CTNND2: variants seen among roughly 807,000 people sequenced by gnomAD.
CTNND2 encodes catenin delta-2.
In CTNND2, 22 loss-of-function variants were observed where a neutral mutation model predicts 144.4. The observed-to-expected ratio is 0.15, with a 90% CI of 0.11 to 0.22. The LOEUF (loss-of-function observed/expected upper bound fraction) is 0.22, where lower values mean the gene tolerates loss of function less well. Among genes scored for constraint, CTNND2 ranks in the 10% least tolerant of loss-of-function variants. The probability of loss-of-function intolerance (pLI) is 1.00; values close to 1 mark genes in which losing one functional copy is unlikely to be tolerated. For synonymous variants in CTNND2, 751 were observed against 695.6 expected (o/e 1.08, Z -1.25); for missense variants, 1,353 against 1,618.8 (o/e 0.84, Z 2.82).
intron 1 of CTNND2, among the ~76,000 whole-genome samples, chr5:11,900,851 A>C (rs1327869887): frequency 6.6e-6 from 1 of 152,206 alleles, no homozygotes; most frequent in East Asian, 1.9e-4. Context: ...TCATTGTCTG[A>C]ATTATGACAT....
chr5:11,699,784 C>G (rs10042962), intron 2 of CTNND2, among the ~76,000 whole-genome samples: 1 of 152,164 alleles, frequency 6.6e-6, no homozygotes, highest in Non-Finnish European at 1.5e-5. Flanking sequence ...AGCTTTCTAA[C>G]TTGTACCTGT....
At chr5:11,035,394 C>T (rs1440145150) in intron 16 of CTNND2, among the ~76,000 whole-genome samples, 1 of 152,202 alleles carries the variant, frequency 6.6e-6, no homozygotes, top group Admixed American at 6.5e-5. Flanking sequence ...CAACAATGGG[C>T]CTTTCTTGTG....
chr5:11,367,835 A>C (rs1282971805), intron 7 of CTNND2, among the ~76,000 whole-genome samples: 1 of 152,226 alleles, frequency 6.6e-6, no homozygotes, highest in African/African-American at 2.4e-5. Flanking sequence ...AGACCAGACC[A>C]ACTTTCCTGA....
At chr5:11,555,609 T>C (rs547120125) in intron 3 of CTNND2, among the ~76,000 whole-genome samples, 4 of 151,966 alleles carry the variant, frequency 2.6e-5, no homozygotes, top group South Asian at 4.2e-4. Context: ...TTTTAGAATA[T>C]CCCTCCTGCT....
intron 5 of CTNND2, among the ~76,000 whole-genome samples, chr5:11,411,161 C>T (rs1190061952): frequency 1.3e-5 from 2 of 151,966 alleles, no homozygotes; most frequent in African/African-American, 2.4e-5. Flanking sequence ...CGTAAACCAC[C>T]GCGCCCGGCC....
intron 1 of CTNND2, among the ~76,000 whole-genome samples, chr5:11,743,775 T>C (rs890356078): frequency 1.3e-5 from 2 of 151,962 alleles, no homozygotes; most frequent in Non-Finnish European, 2.9e-5. Flanking sequence ...GTGGAGCTCA[T>C]GTGTCAAACA....
chr5:11,177,498 T>C (rs1032602801), intron 11 of CTNND2, among the ~76,000 whole-genome samples: 5 of 152,120 alleles, frequency 3.3e-5, no homozygotes, highest in Admixed American at 2.0e-4. Context: ...TTATTTGTGA[T>C]TCCAGAATTT....
chr5:11,716,675 G>GTTTATTTATTTA (rs112407519), intron 2 of CTNND2, among the ~76,000 whole-genome samples: 3 of 151,224 alleles, frequency 2.0e-5, no homozygotes, highest in Non-Finnish European at 2.9e-5. Flanking sequence ...TTACTTATTT[G>GTTTATTTATTTA]TTTATTTATT....
At chr5:11,784,312 T>A (rs1790715331) in intron 1 of CTNND2, among the ~76,000 whole-genome samples, 1 of 152,154 alleles carries the variant, frequency 6.6e-6, no homozygotes. Context: ...AAAAATAACT[T>A]GATTTAAGTG....
At chr5:11,463,152 C>T (rs1221168223) in intron 3 of CTNND2, among the ~76,000 whole-genome samples, 2 of 152,178 alleles carry the variant, frequency 1.3e-5, no homozygotes, top group Non-Finnish European at 2.9e-5. Context: ...AAAATATATT[C>T]AAATAATAAG....
At chr5:11,460,128 C>T (rs1766065366) in intron 3 of CTNND2, among the ~76,000 whole-genome samples, 1 of 152,166 alleles carries the variant, frequency 6.6e-6, no homozygotes, top group African/African-American at 2.4e-5. Context: ...ATGATGCCCG[C>T]AACAATCCAG....
intron 3 of CTNND2, among the ~76,000 whole-genome samples, chr5:11,461,229 G>A (rs1766192481): frequency 6.6e-6 from 1 of 151,814 alleles, no homozygotes; most frequent in Admixed American, 6.6e-5. Flanking sequence ...GAATAAACGT[G>A]CGCTGAAGGG....
chr5:11,254,463 G>A (rs1744008109), intron 9 of CTNND2, among the ~76,000 whole-genome samples: 2 of 152,234 alleles, frequency 1.3e-5, no homozygotes, highest in Non-Finnish European at 2.9e-5. Flanking sequence ...TTGCACAATA[G>A]AACTGGGAAC....
intron 3 of CTNND2, among the ~76,000 whole-genome samples, chr5:11,544,580 T>G (rs556565020): frequency 6.6e-6 from 1 of 152,272 alleles, no homozygotes; most frequent in Non-Finnish European, 1.5e-5. Flanking sequence ...TGTTACATCC[T>G]CACAGTGGAA....
rs1275863658 is a variant in CTNND2 at position 11,082,518 on chromosome 5, T to G, written c.2788+178A>C. On this transcript the variant is annotated intron_variant, in intron 16 of 21. Coordinates refer to ENST00000304623, the MANE Select transcript of CTNND2 (RefSeq NM_001332.4). ...GAGCATCACATTTTCCTCTAAATTC[T>G]AAAAGATGACTCAGTGCAGTGGATT... is the stretch of plus-strand genomic sequence containing the variant. Among the ~76,000 whole-genome samples, 3 of 152,202 alleles carry G rather than the reference T, an allele frequency of 2.0e-5. No homozygotes were observed. The East Asian group carries it at 5.8e-4, about 29-fold the overall frequency.
chr5:11,294,796 A>C (rs1748729461), intron 9 of CTNND2, among the ~76,000 whole-genome samples: 1 of 152,224 alleles, frequency 6.6e-6, no homozygotes, highest in Non-Finnish European at 1.5e-5. Context: ...TTCATGCTAA[A>C]AACTCTCAAT....
At chr5:11,711,989 T>A (rs576709716) in intron 2 of CTNND2, among the ~76,000 whole-genome samples, 1 of 152,340 alleles carries the variant, frequency 6.6e-6, no homozygotes, top group African/African-American at 2.4e-5. Context: ...AAACACTGAC[T>A]TCTAGTCTTG....
intron 11 of CTNND2, among the ~76,000 whole-genome samples, chr5:11,163,557 A>G (rs1031304317): frequency 6.6e-6 from 1 of 152,050 alleles, no homozygotes; most frequent in African/African-American, 2.4e-5. Context: ...TTTCCTATGA[A>G]GCTCCCACTC....
chr5:11,526,966 G>T (rs1257062961), intron 3 of CTNND2, among the ~76,000 whole-genome samples: 1 of 152,160 alleles, frequency 6.6e-6, no homozygotes, highest in Non-Finnish European at 1.5e-5. Context: ...GACATGCTAA[G>T]TGAAGTAAGC....
Sources: gnomAD v4.1 joint callset for allele counts (sites outside exome capture counted in the v4.1 genomes callset) on GRCh38, gnomAD v4.1.1 for gene constraint, MANE v1.5 for transcripts, NCBI Gene and HGNC (gene_info 2026-07-23, HGNC 2026-07-21) for gene names.